Variants in EPHA6 observed in about 807,000 individuals in gnomAD.
EPHA6 encodes EPH receptor A6.
EPHA6 carries 50 observed loss-of-function variants against 112.0 expected under a neutral mutation model. That is an observed-to-expected ratio of 0.45 (90% CI 0.36 to 0.56). The LOEUF (loss-of-function observed/expected upper bound fraction) is 0.56. Among genes scored for constraint, EPHA6 ranks in the 20% least tolerant of loss-of-function variants. The pLI is 0.00. For missense variants in EPHA6, 1,280 were observed against 1,417.4 expected, an observed-to-expected ratio of 0.90 and a Z score of 1.56; for synonymous variants, 529 against 490.7, an observed-to-expected ratio of 1.08 and a Z score of -1.03.
chr3:96,855,632 G>A (rs1576154282), intron 1 of EPHA6, among the ~76,000 whole-genome samples: 1 of 151,130 alleles, frequency 6.6e-6, no homozygotes, highest in Admixed American at 6.6e-5. Flanking sequence ...GAGGTTGACA[G>A]CATTAAAATA....
chr3:97,759,256 A>G lies in EPHA6; in HGVS notation c.*10555A>G, dbSNP rs368084317. On this transcript the variant is annotated 3_prime_UTR_variant, in exon 18 of 18. Transcript: ENST00000389672. ...GTTGATGACCTTCACAAGGTCATCAACTATGAAAATAGTGGAGTCAACTAT... is the reference window on the plus strand; with the variant it reads ...GTTGATGACCTTCACAAGGTCATCAGCTATGAAAATAGTGGAGTCAACTAT... Among the ~76,000 whole-genome samples the G allele has an allele frequency of 6.6e-6, 1 of 151,996 alleles. No homozygotes were observed. The highest frequency in any genetic ancestry group is 2.4e-5 in the African/African-American group (1 of 41,426).
chr3:97,415,009 G>A (rs956163673), intron 6 of EPHA6, among the ~76,000 whole-genome samples: 1 of 151,958 alleles, frequency 6.6e-6, no homozygotes, highest in African/African-American at 2.4e-5. Flanking sequence ...GAACAGAAGG[G>A]TCACTCTGGG....
At chr3:96,981,810 C>A (rs1303527313) in intron 2 of EPHA6, among the ~76,000 whole-genome samples, 2 of 152,092 alleles carry the variant, frequency 1.3e-5, no homozygotes, top group African/African-American at 2.4e-5. Flanking sequence ...GAAATTTATC[C>A]ATTTCTTCTA....
At chr3:97,346,167 C>G (rs1363823956) in intron 5 of EPHA6, among the ~76,000 whole-genome samples, 1 of 151,992 alleles carries the variant, frequency 6.6e-6, no homozygotes, top group East Asian at 1.9e-4. Flanking sequence ...GAATTGTAAT[C>G]TTCCTAAAGT....
intron 5 of EPHA6, among the ~76,000 whole-genome samples, chr3:97,285,423 C>T (rs1369949253): frequency 1.3e-5 from 2 of 152,078 alleles, no homozygotes; most frequent in Non-Finnish European, 2.9e-5. Context: ...TACTCTCTAC[C>T]TCCATGAGAT....
intron 11 of EPHA6, among the ~76,000 whole-genome samples, chr3:97,541,727 G>GTTT (rs59024112): frequency 7.6e-6 from 1 of 131,896 alleles, no homozygotes; most frequent in Non-Finnish European, 1.7e-5. Context: ...TCTTTTTTTT[G>GTTT]TTTTTTTTTT....
intron 3 of EPHA6, among the ~76,000 whole-genome samples, chr3:97,195,527 T>A (rs1211570348): frequency 6.6e-6 from 1 of 152,042 alleles, no homozygotes; most frequent in Non-Finnish European, 1.5e-5. Context: ...AGTTTATACA[T>A]CACAGTTACA....
intron 5 of EPHA6, among the ~76,000 whole-genome samples, chr3:97,372,763 TTA>T (rs2085133931): frequency 6.6e-6 from 1 of 152,130 alleles, no homozygotes; most frequent in Admixed American, 6.6e-5. Flanking sequence ...ACAATATATA[TTA>T]TGTTATTACA....
At chr3:97,074,190 A>G (rs1049169871) in intron 3 of EPHA6, among the ~76,000 whole-genome samples, 2 of 151,804 alleles carry the variant, frequency 1.3e-5, no homozygotes, top group African/African-American at 4.8e-5. Context: ...AAATTGTTTC[A>G]TTTTTTAGTC....
intron 5 of EPHA6, among the ~76,000 whole-genome samples, chr3:97,276,906 G>T (rs374994297): frequency 1.3e-5 from 2 of 152,144 alleles, no homozygotes; most frequent in Admixed American, 6.6e-5. Context: ...CTGGGCAGGT[G>T]GGGGAGGGCT....
chr3:97,137,931 A>G (rs779783433), intron 3 of EPHA6, among the ~76,000 whole-genome samples: 46 of 152,216 alleles, frequency 3.0e-4, no homozygotes, highest in Middle Eastern at 3.2e-3. Context: ...AGATGCAGCT[A>G]TGACGTCCCT....
At chr3:97,089,213 A>G (rs886881631) in intron 3 of EPHA6, among the ~76,000 whole-genome samples, 3 of 152,152 alleles carry the variant, frequency 2.0e-5, no homozygotes, top group African/African-American at 7.2e-5. Flanking sequence ...GGCTGAATAT[A>G]AGGTATAACT....
intron 3 of EPHA6, among the ~76,000 whole-genome samples, chr3:97,068,154 C>CAAAAAAAAAAAAAAAAAAAAAAAA (rs1396275493): frequency 1.6e-5 from 1 of 61,016 alleles, no homozygotes; most frequent in African/African-American, 1.0e-4. Context: ...GACTCCATCT[C>CAAAAAAAAAAAAAAAAAAAAAAAA]AAAAAAAAAA....
chr3:97,448,659 A>G lies in EPHA6; in HGVS notation c.1823A>G (p.His608Arg). The G allele has an allele frequency of 2.5e-6, 4 of 1,613,344 alleles. No homozygotes were observed. The Admixed American group carries it at 6.7e-5, about 27-fold the overall frequency. ...GLKPATKYVF[H>R]IRVRTATGYS... ...AAGCCAGCCACCAAATATGTATTTC[A>G]CATCCGAGTGAGAACTGCGACAGGA... The change falls in exon 7 of 18, where the codon CAC becomes CGC. Residue 608 changes from histidine to arginine, a missense_variant. Coordinates refer to ENST00000389672, the MANE Select transcript of EPHA6 (RefSeq NM_001080448.3).
chr3:97,248,194 A>C (rs2079036844), intron 5 of EPHA6, among the ~76,000 whole-genome samples: 1 of 152,056 alleles, frequency 6.6e-6, no homozygotes, highest in Non-Finnish European at 1.5e-5. Flanking sequence ...TATGAAGTTA[A>C]AACTATGACT....
chr3:97,637,542 C>CT (rs985224487), intron 13 of EPHA6, among the ~76,000 whole-genome samples: 20 of 151,666 alleles, frequency 1.3e-4, no homozygotes, highest in Non-Finnish European at 1.8e-4. Context: ...GTTTGGTAGC[C>CT]TTTTTTTTGG....
intron 10 of EPHA6, among the ~76,000 whole-genome samples, chr3:97,525,020 T>C (rs1194280419): frequency 6.6e-6 from 1 of 152,198 alleles, no homozygotes; most frequent in East Asian, 1.9e-4. Flanking sequence ...TTGAGGTTCC[T>C]GAATCTGTAT....
Position 97,753,938 on chromosome 3 carries a change from T to C in EPHA6, c.*5237T>C, listed in dbSNP as rs903965474. 1.3e-5 allele frequency among the ~76,000 whole-genome samples: 2 copies of C among 152,016 alleles called. No individual in the cohort carries two copies. The highest frequency in any genetic ancestry group is 2.9e-5 in the Non-Finnish European group (2 of 67,988). ...ATAAGTGGATGTGGCATAATGTACA[T>C]GTATTCTTGGAAAAAAATTAAAAGA... On this transcript the variant is annotated 3_prime_UTR_variant, in exon 18 of 18. Transcript: ENST00000389672.
chr3:97,235,008 G>A (rs1444435405), intron 4 of EPHA6, among the ~76,000 whole-genome samples: 1 of 152,018 alleles, frequency 6.6e-6, no homozygotes, highest in Non-Finnish European at 1.5e-5. Context: ...AGTGCCAGCA[G>A]TTTCCTCTAC....
Sources: gnomAD v4.1 joint callset for allele counts (sites outside exome capture counted in the v4.1 genomes callset) on GRCh38, gnomAD v4.1.1 for gene constraint, MANE v1.5 for transcripts, NCBI Gene and HGNC (gene_info 2026-07-23, HGNC 2026-07-21) for gene names.